RIGI: variants seen among roughly 807,000 people sequenced by gnomAD.
RIGI encodes RNA sensor RIG-I, also known as antiviral innate immune response receptor RIG-I.
At chr9:32,459,769 A>G in the RIGI span, among the ~76,000 whole-genome samples, 1 of 152,208 alleles carries the variant, frequency 6.6e-6, no homozygotes, top group Non-Finnish European at 1.5e-5. Context: ...TAAAAGCACT[A>G]AAGATGTCCA....
chr9:32,491,713 CAAAA>C, the RIGI span, among the ~76,000 whole-genome samples: 20 of 100,404 alleles, frequency 2.0e-4, no homozygotes, highest in Non-Finnish European at 1.9e-4. Flanking sequence ...TCGTATGCAC[CAAAA>C]AAAAAAAAAA....
the RIGI span, chr9:32,466,442 C>A: frequency 6.3e-7 from 1 of 1,593,282 alleles, no homozygotes. Flanking sequence ...CTTCCTCTGC[C>A]TATTAGAAAA....
the RIGI span, among the ~76,000 whole-genome samples, chr9:32,462,893 C>T: frequency 5.3e-3 from 814 of 152,252 alleles, 4 homozygotes; most frequent in African/African-American, 0.018. Context: ...CAGTAGCTCA[C>T]GCCTGTAATC....
chr9:32,472,413 A>G, the RIGI span, among the ~76,000 whole-genome samples: 2 of 152,228 alleles, frequency 1.3e-5, no homozygotes, highest in Non-Finnish European at 2.9e-5. Flanking sequence ...TTTTTGATGC[A>G]TTAACTTGGC....
the RIGI span, among the ~76,000 whole-genome samples, chr9:32,490,546 A>G: frequency 6.6e-6 from 1 of 152,178 alleles, no homozygotes; most frequent in Non-Finnish European, 1.5e-5. Context: ...TCAGTTGCAG[A>G]CGTAATCTGC....
At chr9:32,487,691 C>A in the RIGI span, 5 of 1,582,936 alleles carry the variant, frequency 3.2e-6, no homozygotes, top group Admixed American at 5.2e-5. Flanking sequence ...GTTTCCACAA[C>A]CCCTCATATA....
chr9:32,464,570 T>C, the RIGI span, among the ~76,000 whole-genome samples: 3 of 152,126 alleles, frequency 2.0e-5, no homozygotes, highest in African/African-American at 4.8e-5. Context: ...TTTGTATTTT[T>C]AGTAGAGACG....
the RIGI span, among the ~76,000 whole-genome samples, chr9:32,481,967 T>C: frequency 6.6e-6 from 1 of 152,184 alleles, no homozygotes; most frequent in Non-Finnish European, 1.5e-5. Context: ...TTTAACTGGA[T>C]TCAGACTGGT....
At chr9:32,523,824 G>A in the RIGI span, among the ~76,000 whole-genome samples, 351 of 151,724 alleles carry the variant, frequency 2.3e-3, 3 homozygotes, top group East Asian at 9.4e-3. Flanking sequence ...ACATTTCAGT[G>A]GATAAAGTCC....
At chr9:32,473,204 A>G in the RIGI span, 1 of 487,538 alleles carries the variant, frequency 2.1e-6, no homozygotes, top group Non-Finnish European at 3.5e-6. Flanking sequence ...TGAGAAAAAA[A>G]GCATTTTGGA....
chr9:32,492,414 C>T, the RIGI span: 1 of 1,614,170 alleles, frequency 6.2e-7, no homozygotes. Context: ...CCACAGTTCA[C>T]TGAACTTGTT....
chr9:32,499,227 G>A, the RIGI span, among the ~76,000 whole-genome samples: 1 of 113,366 alleles, frequency 8.8e-6, no homozygotes, highest in Non-Finnish European at 1.9e-5. Flanking sequence ...TTTTCCAGTT[G>A]ATTTTAAGAC....
chr9:32,484,194 T>C, the RIGI span, among the ~76,000 whole-genome samples: 1 of 151,462 alleles, frequency 6.6e-6, no homozygotes, highest in African/African-American at 2.4e-5. Context: ...AGGCAAAGGG[T>C]TTTTAAGCAG....
chr9:32,458,410 T>G, the RIGI span, among the ~76,000 whole-genome samples: 1 of 152,158 alleles, frequency 6.6e-6, no homozygotes, highest in Non-Finnish European at 1.5e-5. Context: ...ACCACCAAAA[T>G]ATTAATACAT....
the RIGI span, among the ~76,000 whole-genome samples, chr9:32,501,832 G>A: frequency 6.6e-6 from 1 of 152,216 alleles, no homozygotes; most frequent in Non-Finnish European, 1.5e-5. Context: ...AGGAAGAGAA[G>A]AAGGAATGCC....
the RIGI span, among the ~76,000 whole-genome samples, chr9:32,468,442 A>C: frequency 1.3e-5 from 2 of 152,172 alleles, no homozygotes; most frequent in African/African-American, 4.8e-5. Flanking sequence ...AAGGCAGGTG[A>C]ATCACTTGAG....
chr9:32,487,529 T>C, the RIGI span: 1 of 1,614,224 alleles, frequency 6.2e-7, no homozygotes, highest in Non-Finnish European at 8.5e-7. Context: ...TGACTGTTGC[T>C]ATCACTGACG....
the RIGI span, among the ~76,000 whole-genome samples, chr9:32,516,434 G>A: frequency 6.6e-6 from 1 of 152,078 alleles, no homozygotes; most frequent in Non-Finnish European, 1.5e-5. Context: ...TTTTGTGGCT[G>A]GGTTGCTGTG....
At chr9:32,496,490 T>C in the RIGI span, among the ~76,000 whole-genome samples, 1 of 152,126 alleles carries the variant, frequency 6.6e-6, no homozygotes, top group Non-Finnish European at 1.5e-5. Flanking sequence ...CAAATTCTCT[T>C]TTCTTGAGCT....
Sources: allele counts gnomAD v4.1 joint callset (sites outside exome capture counted in the v4.1 genomes callset), GRCh38; gene constraint gnomAD v4.1.1; transcripts MANE v1.5; gene names NCBI Gene and HGNC (gene_info 2026-07-23, HGNC 2026-07-21).